BRD7: variants seen among roughly 807,000 people sequenced by gnomAD.
BRD7 encodes bromodomain containing 7, also known as bromodomain-containing protein 7.
In BRD7, 15 loss-of-function variants were observed where a neutral mutation model predicts 82.1. That is an observed-to-expected ratio of 0.18 (90% CI 0.12 to 0.28). The LOEUF (loss-of-function observed/expected upper bound fraction) is 0.28. Among genes scored for constraint, BRD7 ranks in the 10% least tolerant of loss-of-function variants. The pLI, the probability that BRD7 is intolerant of heterozygous loss-of-function variation, is 1.00. For synonymous variants in BRD7, 232 were observed against 266.9 expected, an observed-to-expected ratio of 0.87 and a Z score of 1.27; for missense variants, 638 against 779.9, an observed-to-expected ratio of 0.82 and a Z score of 2.17.
intron 15 of BRD7, 87 bp downstream of exon 15, chr16:50,320,159 ATT>A: frequency 2.0e-6 from 3 of 1,533,544 alleles, no homozygotes; most frequent in East Asian, 4.5e-5. Flanking sequence ...TCACATCAGC[ATT>A]ACTCTATAGT....
At chr16:50,319,802 TC>T in intron 16 of BRD7, 84 bp downstream of exon 16, 1 of 1,512,676 alleles carries the variant, frequency 6.6e-7, no homozygotes, top group Non-Finnish European at 8.9e-7. Context: ...AAATCCGAGG[TC>T]CTGATACCAA....
rs980002615 is a variant in BRD7, at chr16:50,354,275, T to C, written c.446+150A>G. 2.6e-5 allele frequency: 16 copies of C among 625,016 alleles called. No individual in the cohort carries two copies. In the Admixed American group the frequency reaches 3.3e-4, roughly 13 times the overall value. 38.7% of individuals were successfully genotyped at this position (625,016 alleles called of 1,614,324 possible). ...AATAAAGAATATCTAAAAGTTAGCC[T>C]AGCCTCTTGGAGTACTTCTGCTGCC... is the stretch of plus-strand genomic sequence containing the variant. On this transcript the variant is annotated intron_variant, in intron 4 of 16. Transcript: ENST00000394688.
rs1429174573 is a variant in BRD7, at chr16:50,363,164, T to C, written c.258+4926A>G. Among the ~76,000 whole-genome samples, 3 of 152,258 alleles carry C rather than the reference T, an allele frequency of 2.0e-5. No homozygotes were observed. The South Asian group carries it at 6.2e-4, about 31-fold the overall frequency. ...TTTAGAAATACTTCTGTAATTTTTA[T>C]AAATCATTTTATCAATTAACAGCCT... On this transcript the variant is annotated intron_variant, in intron 2 of 16. Transcript: ENST00000394688.
chr16:50,331,478 G>C (rs2037563089), intron 8 of BRD7, among the ~76,000 whole-genome samples: 1 of 152,218 alleles, frequency 6.6e-6, no homozygotes, highest in Non-Finnish European at 1.5e-5. Context: ...GAGTTGGGTG[G>C]ATTGCTTGAG....
chr16:50,368,678 G>C, intron 1 of BRD7, 48 bp downstream of exon 1: 2 of 1,532,354 alleles, frequency 1.3e-6, no homozygotes, highest in Non-Finnish European at 1.8e-6. Flanking sequence ...GCGGAAGCCC[G>C]GCAGAGCCGC....
chr16:50,333,848 G>T, intron 7 of BRD7, 151 bp from the exon 8 acceptor site: 1 of 659,816 alleles, frequency 1.5e-6, no homozygotes, highest in Non-Finnish European at 2.5e-6. Context: ...ACCTGTTAAG[G>T]GTCTCTAATT....
intron 1 of BRD7, 30 bp from the exon 2 acceptor site, chr16:50,368,328 G>A: frequency 1.9e-6 from 3 of 1,605,192 alleles, no homozygotes; most frequent in Non-Finnish European, 8.5e-7. Flanking sequence ...AGAAAGGAAA[G>A]CGCGTCGATT....
At chr16:50,364,488 C>A (rs554427995) in intron 2 of BRD7, among the ~76,000 whole-genome samples, 1 of 152,196 alleles carries the variant, frequency 6.6e-6, no homozygotes, top group Non-Finnish European at 1.5e-5. Context: ...GATCTGAAGT[C>A]TCTAGCCCTG....
At chr16:50,326,754 G>C (rs1463960401) in intron 9 of BRD7, among the ~76,000 whole-genome samples, 1 of 152,148 alleles carries the variant, frequency 6.6e-6, no homozygotes, top group Non-Finnish European at 1.5e-5. Context: ...AAAAGACTGA[G>C]GGAAAACACC....
In BRD7 at chr16:50,354,499, G is replaced by A. The variant is rs924227170; in HGVS notation, c.389-17C>T. 1.1e-5 allele frequency: 17 copies of A among 1,602,710 alleles called. No individual in the cohort carries two copies. Among genetic ancestry groups the A allele is most frequent in the Non-Finnish European group, 1.4e-5 (16 of 1,172,240 alleles). On this transcript the variant is annotated splice_polypyrimidine_tract_variant and intron_variant, in intron 3 of 16. Transcript: ENST00000394688. ...GTTCTACTTCTAAAGCAAAGAAGAA[G>A]GGAAAAGGGTATTTTAAAAAGGAGT...
At chr16:50,321,858 C>A in intron 13 of BRD7, 124 bp downstream of exon 13, 2 of 810,456 alleles carry the variant, frequency 2.5e-6, no homozygotes, top group Non-Finnish European at 4.0e-6. Flanking sequence ...TTCAGCTAGG[C>A]CCTCACAACT....
chr16:50,367,204 A>G lies in BRD7; in HGVS notation c.258+886T>C, dbSNP rs779000295. Among the ~76,000 whole-genome samples the G allele has an allele frequency of 1.9e-4, 29 of 152,330 alleles. No individual in the cohort carries two copies. The Middle Eastern group carries it at 0.01, about 54-fold the overall frequency. On this transcript the variant is annotated intron_variant, in intron 2 of 16. Coordinates refer to ENST00000394688, the MANE Select transcript of BRD7 (RefSeq NM_013263.5). Reference sequence around the variant, plus strand: ...TCGTTCAGTGGCAGGTTAAATTTGGAAAGTTAATAACAGTAATAACAATGT... The same window carrying G: ...TCGTTCAGTGGCAGGTTAAATTTGGGAAGTTAATAACAGTAATAACAATGT...
chr16:50,335,909 AC>A (rs2037777666), intron 6 of BRD7, among the ~76,000 whole-genome samples: 1 of 152,200 alleles, frequency 6.6e-6, no homozygotes. Context: ...TAATCTTAAA[AC>A]CATTAAAGCG....
rs765434269 is a variant in BRD7, at chr16:50,325,843, C to A, written c.1236G>T (p.Pro412=). ...LNYGPYSSYA[P]HYDSTFANIS... is the part of the protein sequence containing the mutation. ...TATTTGCAAATGTGGAGTCATAATG[C>A]GGTGCATAAGAACTGTAGGGCCCAT... Residue 412 remains proline, a synonymous_variant, in exon 11 of 17, where the codon CCG becomes CCT. Transcript: ENST00000394688. 9 of 1,611,538 alleles carry A rather than the reference C, an allele frequency of 5.6e-6. No individual in the cohort carries two copies. Among genetic ancestry groups the A allele is most frequent in the Non-Finnish European group, 7.6e-6 (9 of 1,179,264 alleles).
intron 2 of BRD7, among the ~76,000 whole-genome samples, chr16:50,365,764 C>A (rs2039118238): frequency 6.6e-6 from 1 of 151,954 alleles, no homozygotes; most frequent in South Asian, 2.1e-4. Flanking sequence ...AGGAAGAACC[C>A]TCCCCCACCC....
Position 50,320,045 on chromosome 16 carries a change from A to G in BRD7, c.1757-15T>C, listed in dbSNP as rs1007056217. ...CACTTGTTCAGCTAAAAAGAAAAAC[A>G]AAGTTCCAGATACTAAAGCATGGTT... On this transcript the variant is annotated splice_polypyrimidine_tract_variant and intron_variant, in intron 15 of 16. Transcript: ENST00000394688. 6.3e-7 allele frequency: 1 copy of G among 1,599,560 alleles called. No homozygotes were observed. The highest frequency in any genetic ancestry group is 8.5e-7 in the Non-Finnish European group (1 of 1,174,222).
intron 6 of BRD7, among the ~76,000 whole-genome samples, chr16:50,336,097 G>A: frequency 1.3e-5 from 2 of 152,178 alleles, no homozygotes; most frequent in Middle Eastern, 3.4e-3. Flanking sequence ...CATTTTTTCA[G>A]TTAATAAATT....
At chr16:50,340,708 C>T (rs1197112970) in intron 5 of BRD7, among the ~76,000 whole-genome samples, 2 of 152,168 alleles carry the variant, frequency 1.3e-5, no homozygotes, top group Admixed American at 1.3e-4. Context: ...ATAAACCATA[C>T]AACCTCAAGG....
chr16:50,328,525 A>G, intron 9 of BRD7, 144 bp downstream of exon 9: 2 of 598,724 alleles, frequency 3.3e-6, no homozygotes, highest in Non-Finnish European at 5.6e-6. Context: ...TGTTACCATG[A>G]AATACATGAT....
Sources: allele counts gnomAD v4.1 joint callset (sites outside exome capture counted in the v4.1 genomes callset), GRCh38; gene constraint gnomAD v4.1.1; transcripts MANE v1.5; gene names NCBI Gene and HGNC (gene_info 2026-07-23, HGNC 2026-07-21).